Variants in SPMIP6 observed in about 807,000 individuals in gnomAD.
SPMIP6 encodes ciliated bronchial epithelial protein 1.
the SPMIP6 span, among the ~76,000 whole-genome samples, chr9:34,393,923 C>T: frequency 6.6e-6 from 1 of 152,038 alleles, no homozygotes; most frequent in Non-Finnish European, 1.5e-5. Context: ...TATTCAGTTC[C>T]TTTTTACATT....
At chr9:34,383,235 C>T in the SPMIP6 span, among the ~76,000 whole-genome samples, 2 of 152,172 alleles carry the variant, frequency 1.3e-5, no homozygotes, top group South Asian at 2.1e-4. Flanking sequence ...CAAAATCACT[C>T]GAATCTGGCC....
the SPMIP6 span, chr9:34,381,423 C>G: frequency 1.7e-5 from 27 of 1,613,974 alleles, no homozygotes; most frequent in Non-Finnish European, 2.1e-5. The surrounding 1 kb of genome is among the most constrained non-coding windows in gnomAD (Gnocchi z 4.4). Context: ...ATTCCTCGAA[C>G]TGCTGTCTCC....
the SPMIP6 span, among the ~76,000 whole-genome samples, chr9:34,389,144 C>A: frequency 2.6e-5 from 4 of 151,902 alleles, no homozygotes; most frequent in African/African-American, 4.8e-5. Flanking sequence ...CCTGTGTTTC[C>A]CAGGGTGGTC....
At chr9:34,394,020 C>G in the SPMIP6 span, among the ~76,000 whole-genome samples, 4 of 152,098 alleles carry the variant, frequency 2.6e-5, no homozygotes, top group Non-Finnish European at 5.9e-5. Flanking sequence ...CAAGGTCTCA[C>G]TATGTTGCCT....
chr9:34,380,586 G>A, the SPMIP6 span: 4 of 1,422,962 alleles, frequency 2.8e-6, no homozygotes, highest in Admixed American at 5.4e-5. Flanking sequence ...GATGTGCGGG[G>A]TTTCTTCCTC....
the SPMIP6 span, among the ~76,000 whole-genome samples, chr9:34,384,207 A>G: frequency 6.6e-6 from 1 of 152,238 alleles, no homozygotes; most frequent in South Asian, 2.1e-4. Context: ...CTATAAGCAT[A>G]TGAAGAAGAG....
chr9:34,380,264 C>T, the SPMIP6 span, among the ~76,000 whole-genome samples: 1 of 152,184 alleles, frequency 6.6e-6, no homozygotes, highest in South Asian at 2.1e-4. Flanking sequence ...GGACGAATGC[C>T]GAGCTGCAGT....
chr9:34,386,879 G>T, the SPMIP6 span, among the ~76,000 whole-genome samples: 1 of 152,196 alleles, frequency 6.6e-6, no homozygotes, highest in Admixed American at 6.5e-5. Context: ...CAAGTTAGTT[G>T]TAGACCCACA....
chr9:34,386,486 C>T, the SPMIP6 span, among the ~76,000 whole-genome samples: 3 of 151,062 alleles, frequency 2.0e-5, no homozygotes, highest in Non-Finnish European at 4.4e-5. Context: ...CCCAGCTACT[C>T]GGGAGGCTGA....
chr9:34,391,626 T>C, the SPMIP6 span, among the ~76,000 whole-genome samples: 1 of 152,206 alleles, frequency 6.6e-6, no homozygotes. Flanking sequence ...TTTGACCCAT[T>C]ATTTAGAATG....
the SPMIP6 span, among the ~76,000 whole-genome samples, chr9:34,387,822 T>G: frequency 6.6e-6 from 1 of 152,212 alleles, no homozygotes; most frequent in East Asian, 1.9e-4. Flanking sequence ...TGGACAATAT[T>G]TTGCAAACTC....
At chr9:34,380,798 G>A in the SPMIP6 span, 11 of 1,536,548 alleles carry the variant, frequency 7.2e-6, no homozygotes, top group Non-Finnish European at 9.6e-6. Flanking sequence ...AGCAGGCTGG[G>A]GGCCTGCACG....
At chr9:34,394,966 CT>C in the SPMIP6 span, among the ~76,000 whole-genome samples, 411 of 144,012 alleles carry the variant, frequency 2.9e-3, no homozygotes, top group Admixed American at 2.8e-3. Context: ...TTCCTTCATT[CT>C]TTTTTTTTTT....
the SPMIP6 span, among the ~76,000 whole-genome samples, chr9:34,387,420 C>T: frequency 6.6e-6 from 1 of 152,146 alleles, no homozygotes; most frequent in African/African-American, 2.4e-5. Context: ...GTGAGCAGCT[C>T]CTGCACAGTC....
the SPMIP6 span, among the ~76,000 whole-genome samples, chr9:34,390,475 A>G: frequency 2.0e-5 from 3 of 152,140 alleles, no homozygotes; most frequent in Non-Finnish European, 4.4e-5. Flanking sequence ...ATATTTTGAA[A>G]TGATCTTCTG....
At chr9:34,382,827 T>C in the SPMIP6 span, 1 of 1,614,154 alleles carries the variant, frequency 6.2e-7, no homozygotes, top group African/African-American at 1.3e-5. Context: ...CCTCCATGTG[T>C]TGTACCAGTC....
chr9:34,388,307 A>ATTTTT, the SPMIP6 span, among the ~76,000 whole-genome samples: 63 of 133,820 alleles, frequency 4.7e-4, no homozygotes, highest in South Asian at 2.7e-3. Context: ...CTCCCAGCTA[A>ATTTTT]TTTTTTTTTT....
chr9:34,386,287 G>T, the SPMIP6 span, among the ~76,000 whole-genome samples: 1 of 152,080 alleles, frequency 6.6e-6, no homozygotes, highest in Non-Finnish European at 1.5e-5. Flanking sequence ...AGTGCTGGAG[G>T]GGCACCTACT....
chr9:34,380,934 G>A, the SPMIP6 span: 2 of 1,598,132 alleles, frequency 1.3e-6, no homozygotes, highest in African/African-American at 2.7e-5. Flanking sequence ...GGCCGCAGGC[G>A]GCGGTCGGTG....
Sources: allele counts gnomAD v4.1 joint callset (sites outside exome capture counted in the v4.1 genomes callset), GRCh38; gene constraint gnomAD v4.1.1; non-coding constraint Gnocchi (gnomAD v3.1); transcripts MANE v1.5; gene names NCBI Gene and HGNC (gene_info 2026-07-23, HGNC 2026-07-21).